The following CHSY1 variants were observed in gnomAD, a reference collection of about 807,000 sequenced individuals.
The protein encoded by CHSY1 is chondroitin sulfate synthase 1, also known as N-acetylgalactosaminyl-proteoglycan 3-beta-glucuronosyltransferase 1.
Under a neutral mutation model 59.8 loss-of-function variants are expected in CHSY1, and 13 were observed. That is an observed-to-expected ratio of 0.22 (90% CI 0.14 to 0.35). CHSY1 has a LOEUF of 0.35. Among genes scored for constraint, CHSY1 ranks in the 10% least tolerant of loss-of-function variants. The pLI is 1.00. For synonymous variants in CHSY1, 459 were observed against 401.2 expected, an observed-to-expected ratio of 1.14 and a Z score of -1.72; for missense variants, 947 against 1,030.6, an observed-to-expected ratio of 0.92 and a Z score of 1.11.
rs140385886 is a variant in CHSY1 at position 101,235,856 on chromosome 15, T to C, written c.321-279A>G. 3.0e-3 allele frequency among the ~76,000 whole-genome samples: 453 copies of C among 152,232 alleles called. 1 individual carries two copies. The highest frequency in any genetic ancestry group is 1.0e-2 in the African/African-American group (415 of 41,526). On this transcript the variant is annotated intron_variant, in intron 1 of 2. Transcript: ENST00000254190. Reference sequence around the variant, plus strand: ...AAACCAAACTGCCAGGGGACCAAGGTCTGGGTATACAGATTAATTTTGTGA... The same window carrying C: ...AAACCAAACTGCCAGGGGACCAAGGCCTGGGTATACAGATTAATTTTGTGA...
rs749839931 is a variant in CHSY1 at position 101,178,254 on chromosome 15, C to T, written c.1543G>A (p.Val515Ile). 12 of 1,613,914 alleles carry T rather than the reference C, an allele frequency of 7.4e-6. No homozygotes were observed. The highest frequency in any genetic ancestry group is 2.2e-5 in the East Asian group (1 of 44,900). The change falls in exon 3 of 3, where the codon GTC (valine) becomes ATC (isoleucine). Residue 515 changes from valine (V) to isoleucine (I), a missense_variant. Val to Ile is a conservative substitution (Grantham distance 29, BLOSUM62 3). Coordinates refer to ENST00000254190, the MANE Select transcript of CHSY1 (RefSeq NM_014918.5). ...TTCGACCCAGGGAGCTGAAAGGGGA[C>T]GAGCTTCTTCAGGGAGTTTGAGAGA... ...SFLSNSLKKL[V>I]PFQLPGSKSE...
chr15:101,184,043 A>G (rs2038318335), intron 2 of CHSY1, among the ~76,000 whole-genome samples: 1 of 152,230 alleles, frequency 6.6e-6, no homozygotes, highest in South Asian at 2.1e-4. Flanking sequence ...ACCAAATGTG[A>G]CTGCACACTT....
chr15:101,188,149 G>A (rs1327250696), intron 2 of CHSY1: 16 of 985,324 alleles, frequency 1.6e-5, no homozygotes, highest in African/African-American at 5.2e-5. Flanking sequence ...GCTACAGAGC[G>A]ACAACTTCCC....
At chr15:101,203,873 CA>C (rs1179351860) in intron 2 of CHSY1, among the ~76,000 whole-genome samples, 1 of 152,182 alleles carries the variant, frequency 6.6e-6, no homozygotes, top group Non-Finnish European at 1.5e-5. Flanking sequence ...CTTAAAGAGA[CA>C]TACCATATAA....
rs369820168 is a variant in CHSY1 at position 101,235,594 on chromosome 15, T to C, written c.321-17A>G. The C allele has an allele frequency of 3.1e-6, 5 of 1,602,718 alleles. No homozygotes were observed. The African/African-American group carries it at 6.7e-5, about 21-fold the overall frequency. The stretch of plus-strand genomic sequence containing the variant: ...GACCATGTTCTGGAATTAAAATAAA[T>C]ATCAGTTAGAGAACAGTTTATTCCA... On this transcript the variant is annotated splice_polypyrimidine_tract_variant and intron_variant, in intron 1 of 2. Transcript: ENST00000254190.
intron 2 of CHSY1, among the ~76,000 whole-genome samples, chr15:101,215,620 G>A (rs1261826552): frequency 6.6e-6 from 1 of 152,096 alleles, no homozygotes; most frequent in Non-Finnish European, 1.5e-5. Flanking sequence ...CTGTAGTCCC[G>A]GCTACCCAGG....
intron 2 of CHSY1, among the ~76,000 whole-genome samples, chr15:101,220,663 C>CA (rs2038779650): frequency 1.3e-5 from 2 of 152,180 alleles, no homozygotes; most frequent in Admixed American, 1.3e-4. Flanking sequence ...TCGTCTGCCC[C>CA]AACTCTCAGG....
At position 101,178,607 on chromosome 15, in the gene CHSY1, A is replaced by G; in HGVS notation, c.1190T>C (p.Met397Thr). ...CAAGGCTTCCCTCTGGGCGGAGTCC[A>G]TTCCTCTTCGAGGGGGCTGGCCGTC... is the stretch of plus-strand genomic sequence containing the variant. Reference protein sequence around the residue: ...AVDGQPPRRGMDSAQREALDD... With the variant: ...AVDGQPPRRGTDSAQREALDD... Residue 397 changes from methionine (M) to threonine (T), a missense_variant, in exon 3 of 3, where the codon ATG becomes ACG. By Grantham distance (81) the Met-to-Thr change is moderately conservative (BLOSUM62 -1). Around this residue, in one of 4 missense-constraint regions of CHSY1, gnomAD observed 602 missense variants for 676.9 expected, o/e 0.89. Coordinates refer to ENST00000254190, the MANE Select transcript of CHSY1 (RefSeq NM_014918.5). 6.2e-7 allele frequency: 1 copy of G among 1,614,206 alleles called. No individual in the cohort carries two copies. The highest frequency in any genetic ancestry group is 1.7e-5 in the Admixed American group (1 of 60,026).
At chr15:101,249,061 C>A (rs919117078) in intron 1 of CHSY1, among the ~76,000 whole-genome samples, 1 of 151,744 alleles carries the variant, frequency 6.6e-6, no homozygotes, top group Non-Finnish European at 1.5e-5. Context: ...CCTCGGCCTC[C>A]CAAAGTGCTG....
chr15:101,187,399 A>C (rs8032915), intron 2 of CHSY1: 19,039 of 152,226 alleles, frequency 0.13, 1,311 homozygotes, highest in East Asian at 0.28. Context: ...GAATCGCTTG[A>C]ACCTGGGAAG....
intron 2 of CHSY1, among the ~76,000 whole-genome samples, chr15:101,224,379 T>C (rs969419096): frequency 2.0e-5 from 3 of 152,210 alleles, no homozygotes; most frequent in African/African-American, 7.2e-5. Flanking sequence ...AACCTGACTT[T>C]ATAAAAGTTA....
intron 2 of CHSY1, among the ~76,000 whole-genome samples, chr15:101,193,579 A>G (rs992912961): frequency 6.6e-6 from 1 of 152,226 alleles, no homozygotes; most frequent in Non-Finnish European, 1.5e-5. Context: ...CGCTGTGTGC[A>G]TGCACATGTG....
Position 101,177,462 on chromosome 15 carries a change from C to T in CHSY1, c.2335G>A (p.Glu779Lys), listed in dbSNP as rs370264590. ...GGATCATTTTTTTCCAGCCACATCT[C>T]AGCCAGCTGCTGGGTGGACCCATAG... Reference protein sequence around the residue: ...STYGSTQQLAEMWLEKNDPSY... With the variant: ...STYGSTQQLAKMWLEKNDPSY... The change falls in exon 3 of 3, where the codon GAG (glutamate) becomes AAG (lysine). Residue 779 changes from glutamate (E) to lysine (K), a missense_variant. Physicochemically the swap from Glu to Lys is moderately conservative, Grantham distance 56 (BLOSUM62 1). Coordinates refer to ENST00000254190, the MANE Select transcript of CHSY1 (RefSeq NM_014918.5). The T allele has an allele frequency of 3.6e-5, 58 of 1,613,240 alleles. No individual in the cohort carries two copies. In the Admixed American group the frequency reaches 5.2e-4, roughly 14 times the overall value.
chr15:101,248,252 A>G (rs1280044078), intron 1 of CHSY1, among the ~76,000 whole-genome samples: 1 of 152,230 alleles, frequency 6.6e-6, no homozygotes, highest in Non-Finnish European at 1.5e-5. Context: ...TGCAAAGCAC[A>G]GTAAAACTGG....
chr15:101,225,807 C>T (rs959590377), intron 2 of CHSY1, among the ~76,000 whole-genome samples: 1 of 152,176 alleles, frequency 6.6e-6, no homozygotes, highest in Non-Finnish European at 1.5e-5. Flanking sequence ...CGGACTAACA[C>T]GCCAGTTCTA....
chr15:101,203,077 A>C lies in CHSY1; in HGVS notation c.817-24097T>G, dbSNP rs537717995. On this transcript the variant is annotated intron_variant, in intron 2 of 2. Transcript: ENST00000254190. The stretch of plus-strand genomic sequence containing the variant: ...CAGTAACGGCTATTTTCAAGTAAAC[A>C]AACAAGAAAACAACCACAAATCAAT... 1.5e-4 allele frequency among the ~76,000 whole-genome samples: 23 copies of C among 152,364 alleles called. 1 individual carries two copies. In the East Asian group the frequency reaches 4.2e-3, roughly 28 times the overall value.
At chr15:101,214,445 G>A (rs985734408) in intron 2 of CHSY1, among the ~76,000 whole-genome samples, 1 of 152,212 alleles carries the variant, frequency 6.6e-6, no homozygotes, top group African/African-American at 2.4e-5. Context: ...TGCACAAGTT[G>A]TGTCTGCATC....
chr15:101,237,921 G>A (rs1034800399), intron 1 of CHSY1, among the ~76,000 whole-genome samples: 2 of 152,146 alleles, frequency 1.3e-5, no homozygotes, highest in African/African-American at 4.8e-5. Context: ...ATTTATTATA[G>A]TGAAAAATTA....
At chr15:101,180,390 T>C (rs1413543725) in intron 2 of CHSY1, among the ~76,000 whole-genome samples, 1 of 152,156 alleles carries the variant, frequency 6.6e-6, no homozygotes, top group African/African-American at 2.4e-5. Context: ...GCTCCCCACA[T>C]GGCAGGTGCA....
Sources: allele counts gnomAD v4.1 joint callset (sites outside exome capture counted in the v4.1 genomes callset), GRCh38; gene constraint gnomAD v4.1.1; regional missense constraint gnomAD v4.1.1; transcripts MANE v1.5; gene names NCBI Gene and HGNC (gene_info 2026-07-23, HGNC 2026-07-21).